CNTNAP2: variants seen among roughly 807,000 people sequenced by gnomAD.
CNTNAP2 encodes contactin associated protein 2, also known as contactin-associated protein-like 2.
In CNTNAP2, 98 loss-of-function variants were observed where a neutral mutation model predicts 155.2. The observed-to-expected ratio is 0.63, with a 90% CI of 0.54 to 0.75. CNTNAP2 has a LOEUF of 0.75. Ranked by LOEUF, CNTNAP2 falls within the 30% of genes least tolerant of loss-of-function variation. The probability of loss-of-function intolerance (pLI) is 0.00; values close to 1 mark genes in which losing one functional copy is unlikely to be tolerated. For synonymous variants in CNTNAP2, 651 were observed against 631.2 expected, an observed-to-expected ratio of 1.03 and a Z score of -0.47; for missense variants, 1,727 against 1,688.1, an observed-to-expected ratio of 1.02 and a Z score of -0.40.
intron 2 of CNTNAP2, among the ~76,000 whole-genome samples, chr7:146,829,672 ATTG>A (rs1250086262): frequency 6.6e-6 from 1 of 152,066 alleles, no homozygotes; most frequent in Non-Finnish European, 1.5e-5. Context: ...GTGTGATGTT[ATTG>A]TTGCATCACT....
intron 15 of CNTNAP2, among the ~76,000 whole-genome samples, chr7:148,060,272 T>A (rs1554467901): frequency 1.3e-5 from 2 of 152,210 alleles, no homozygotes; most frequent in Non-Finnish European, 2.9e-5. Context: ...AAATGGTTTA[T>A]ATTTTTTTCT....
intron 1 of CNTNAP2, among the ~76,000 whole-genome samples, chr7:146,316,900 G>A (rs1172073616): frequency 1.3e-5 from 2 of 152,048 alleles, no homozygotes; most frequent in East Asian, 3.9e-4. Context: ...TCAGAGGAGG[G>A]ACACTGAATC....
At chr7:146,870,028 A>G (rs1795275192) in intron 3 of CNTNAP2, among the ~76,000 whole-genome samples, 1 of 152,132 alleles carries the variant, frequency 6.6e-6, no homozygotes, top group African/African-American at 2.4e-5. Context: ...CATCAATGAT[A>G]TTGGCCTGAA....
intron 1 of CNTNAP2, among the ~76,000 whole-genome samples, chr7:146,338,052 A>G (rs561549737): frequency 6.9e-4 from 105 of 152,194 alleles, no homozygotes; most frequent in African/African-American, 2.1e-3. Context: ...CCCTCTCACC[A>G]TCATCTCATT....
At position 146,908,708 on chromosome 7, in the gene CNTNAP2, CA is replaced by C. The variant is rs1216862937; in HGVS notation, c.402+68808del. 2.2e-5 allele frequency among the ~76,000 whole-genome samples: 3 copies of C among 134,686 alleles called. 1 individual carries two copies. The highest frequency in any genetic ancestry group is 8.5e-5 in the African/African-American group (3 of 35,264). 88.4% of individuals were successfully genotyped at this position (134,686 alleles called of 152,430 possible). On this transcript the variant is annotated intron_variant, in intron 3 of 23. Transcript: ENST00000361727. ...CCCACAAGAGAAAGCAGGAAAGATCCAAAATTGACACCCTAACATCACAGTT... is the reference window on the plus strand; with the variant it reads ...CCCACAAGAGAAAGCAGGAAAGATCCAAATTGACACCCTAACATCACAGTT...
intron 1 of CNTNAP2, among the ~76,000 whole-genome samples, chr7:146,675,044 G>T (rs1800373707): frequency 6.6e-6 from 1 of 152,012 alleles, no homozygotes; most frequent in Non-Finnish European, 1.5e-5. Context: ...AGCATATTCT[G>T]ATCTCTTTCA....
intron 12 of CNTNAP2, among the ~76,000 whole-genome samples, chr7:147,632,893 T>A (rs1795111253): frequency 6.6e-6 from 1 of 152,106 alleles, no homozygotes; most frequent in Admixed American, 6.6e-5. Flanking sequence ...GGAACTGGAG[T>A]AAAAGTGACT....
At chr7:146,811,770 A>G (rs1307866845) in intron 2 of CNTNAP2, among the ~76,000 whole-genome samples, 2 of 152,238 alleles carry the variant, frequency 1.3e-5, no homozygotes, top group East Asian at 1.9e-4. Context: ...AGGTAATTCA[A>G]TTTTGGGGGT....
At chr7:147,071,004 C>T (rs1371108852) in intron 4 of CNTNAP2, among the ~76,000 whole-genome samples, 1 of 152,016 alleles carries the variant, frequency 6.6e-6, no homozygotes, top group Admixed American at 6.6e-5. Context: ...TTTGGCCTCT[C>T]TTTTTCTCCC....
intron 13 of CNTNAP2, among the ~76,000 whole-genome samples, chr7:147,736,774 A>G (rs1796854862): frequency 6.6e-6 from 1 of 152,006 alleles, no homozygotes; most frequent in Admixed American, 6.6e-5. Flanking sequence ...CATTCATTTG[A>G]TCTTCAGTCA....
At chr7:147,779,483 G>A (rs900580475) in intron 13 of CNTNAP2, among the ~76,000 whole-genome samples, 6 of 152,086 alleles carry the variant, frequency 3.9e-5, no homozygotes, top group East Asian at 1.9e-4. Flanking sequence ...CATATAAAAG[G>A]GCTGAAACAA....
At chr7:147,734,903 C>T (rs896176607) in intron 13 of CNTNAP2, among the ~76,000 whole-genome samples, 1 of 151,830 alleles carries the variant, frequency 6.6e-6, no homozygotes, top group South Asian at 2.1e-4. Context: ...TGATTCTTCT[C>T]TCTTTTCTTC....
At chr7:147,069,798 A>G (rs1168935212) in intron 4 of CNTNAP2, among the ~76,000 whole-genome samples, 1 of 152,226 alleles carries the variant, frequency 6.6e-6, no homozygotes, top group Admixed American at 6.5e-5. Flanking sequence ...GAAATATTCC[A>G]CTTCTGCTTT....
At chr7:148,163,275 G>A (rs778036304) in intron 17 of CNTNAP2, among the ~76,000 whole-genome samples, 19 of 152,180 alleles carry the variant, frequency 1.2e-4, no homozygotes, top group Non-Finnish European at 2.6e-4. Context: ...CTTATTCTCA[G>A]TTCACTCGTC....
At position 146,296,394 on chromosome 7, in the gene CNTNAP2, C is replaced by T. The variant is rs540326704; in HGVS notation, c.97+179421C>T. 6.6e-5 allele frequency among the ~76,000 whole-genome samples: 10 copies of T among 152,244 alleles called. No homozygotes were observed. In the East Asian group the frequency reaches 1.9e-3, roughly 29 times the overall value. The stretch of plus-strand genomic sequence containing the variant: ...GGTTTTCTCCTGTCTCCTCCTTTGG[C>T]TGCCCTGCAATGAAACCCCTTTCTT... On this transcript the variant is annotated intron_variant, in intron 1 of 23. Coordinates refer to ENST00000361727, the MANE Select transcript of CNTNAP2 (RefSeq NM_014141.6).
chr7:146,316,918 A>C (rs1393931372), intron 1 of CNTNAP2, among the ~76,000 whole-genome samples: 1 of 151,962 alleles, frequency 6.6e-6, no homozygotes, highest in Non-Finnish European at 1.5e-5. Context: ...ATCCAGAAGC[A>C]TAGGGGCCTT....
At chr7:147,037,848 T>C (rs1026415560) in intron 3 of CNTNAP2, among the ~76,000 whole-genome samples, 1 of 152,228 alleles carries the variant, frequency 6.6e-6, no homozygotes, top group Non-Finnish European at 1.5e-5. Context: ...TTTCCTACCT[T>C]ATCAAATACT....
chr7:148,119,176 G>C (rs1192132539), intron 16 of CNTNAP2, among the ~76,000 whole-genome samples: 1 of 152,052 alleles, frequency 6.6e-6, no homozygotes, highest in Non-Finnish European at 1.5e-5. Context: ...ACGAGGCCAG[G>C]CTATGTCCCC....
At chr7:148,286,315 C>G (rs1434996421) in intron 21 of CNTNAP2, among the ~76,000 whole-genome samples, 1 of 152,208 alleles carries the variant, frequency 6.6e-6, no homozygotes, top group Non-Finnish European at 1.5e-5. Flanking sequence ...CTCCATCTCT[C>G]TGTGTCGATC....
Sources: allele counts gnomAD v4.1 joint callset (sites outside exome capture counted in the v4.1 genomes callset), GRCh38; gene constraint gnomAD v4.1.1; transcripts MANE v1.5; gene names NCBI Gene and HGNC (gene_info 2026-07-23, HGNC 2026-07-21).